Variants in WDPCP observed in about 807,000 individuals in gnomAD.
The protein encoded by WDPCP is WD repeat containing planar cell polarity effector, also known as WD repeat-containing and planar cell polarity effector protein fritz homolog.
A neutral mutation model predicts 93.1 loss-of-function variants in WDPCP; 71 were observed. The observed-to-expected ratio is 0.76, with a 90% CI of 0.63 to 0.93. The LOEUF (loss-of-function observed/expected upper bound fraction) is 0.93, where lower values mean the gene tolerates loss of function less well. WDPCP is among the 40% of genes least tolerant of loss of function. The pLI, the probability that WDPCP is intolerant of heterozygous loss-of-function variation, is 0.00. For missense variants in WDPCP, 844 were observed against 887.4 expected (o/e 0.95, Z 0.62); for synonymous variants, 315 against 315.0 (o/e 1.00, Z 0.00).
chr2:63,809,309 A>G (rs1322849158), intron 2 of WDPCP, among the ~76,000 whole-genome samples: 1 of 136,682 alleles, frequency 7.3e-6, no homozygotes, highest in Admixed American at 7.2e-5. Context: ...CCCCCCGCCC[A>G]GCCAGCCGCC....
At chr2:63,790,482 G>A (rs1292078508) in intron 2 of WDPCP, among the ~76,000 whole-genome samples, 1 of 152,222 alleles carries the variant, frequency 6.6e-6, no homozygotes, top group Non-Finnish European at 1.5e-5. Flanking sequence ...ACAGAGACTT[G>A]TAATCAGAAC....
chr2:63,305,923 G>A (rs1035433863), intron 13 of WDPCP, among the ~76,000 whole-genome samples: 4 of 152,100 alleles, frequency 2.6e-5, no homozygotes, highest in East Asian at 1.9e-4. Flanking sequence ...AGGAGATAGA[G>A]ACACAAATGA....
At chr2:63,348,734 T>G (rs1470029380) in intron 12 of WDPCP, among the ~76,000 whole-genome samples, 1 of 152,032 alleles carries the variant, frequency 6.6e-6, no homozygotes, top group Non-Finnish European at 1.5e-5. Flanking sequence ...TAAATTAAAA[T>G]AGAAAACTCC....
intron 10 of WDPCP, chr2:63,403,825 C>T: frequency 1.8e-6 from 1 of 570,246 alleles, no homozygotes. Context: ...TTTGAAGCAT[C>T]ATGATTGACA....
At chr2:63,212,627 T>G (rs1252943538) in intron 14 of WDPCP, among the ~76,000 whole-genome samples, 1 of 152,130 alleles carries the variant, frequency 6.6e-6, no homozygotes, top group Non-Finnish European at 1.5e-5. Flanking sequence ...ATATTAACCT[T>G]ACATGTAAAT....
At chr2:63,244,139 A>G (rs1174227418) in intron 14 of WDPCP, among the ~76,000 whole-genome samples, 1 of 152,204 alleles carries the variant, frequency 6.6e-6, no homozygotes, top group African/African-American at 2.4e-5. Context: ...TATTTTGGGC[A>G]TTAAGGCAGA....
chr2:63,648,218 C>T (rs1710073875), intron 3 of WDPCP, among the ~76,000 whole-genome samples: 3 of 152,164 alleles, frequency 2.0e-5, no homozygotes, highest in South Asian at 4.2e-4. Flanking sequence ...TACTCTTATC[C>T]CCCTAAGTTT....
intron 1 of WDPCP, among the ~76,000 whole-genome samples, chr2:63,565,081 T>C (rs576930078): frequency 1.3e-5 from 2 of 152,170 alleles, no homozygotes; most frequent in Non-Finnish European, 2.9e-5. Flanking sequence ...TGGCCAAAAC[T>C]GCACTTTTTA....
At chr2:63,358,683 G>T (rs1447841142) in intron 12 of WDPCP, among the ~76,000 whole-genome samples, 2 of 152,098 alleles carry the variant, frequency 1.3e-5, no homozygotes, top group Non-Finnish European at 2.9e-5. Context: ...TCTTGAACTA[G>T]TTGCCTCAAG....
At chr2:63,720,415 T>TCAAAAAAA (rs1167952657) in intron 2 of WDPCP, among the ~76,000 whole-genome samples, 4 of 145,220 alleles carry the variant, frequency 2.8e-5, no homozygotes, top group Non-Finnish European at 3.0e-5. Context: ...AGACTCTACC[T>TCAAAAAAA]TAAAAAAAAA....
chr2:63,771,873 T>A (rs2103948060), intron 2 of WDPCP, among the ~76,000 whole-genome samples: 1 of 152,138 alleles, frequency 6.6e-6, no homozygotes, highest in East Asian at 1.9e-4. Flanking sequence ...AAGGACTTAC[T>A]TTTGATATTT....
At chr2:63,374,178 T>C (rs1691646047) in intron 12 of WDPCP, among the ~76,000 whole-genome samples, 2 of 151,934 alleles carry the variant, frequency 1.3e-5, no homozygotes, top group Non-Finnish European at 2.9e-5. Flanking sequence ...TGATACAACC[T>C]CCCATTCTGC....
intron 1 of WDPCP, among the ~76,000 whole-genome samples, chr2:63,817,898 G>A (rs775896615): frequency 5.9e-5 from 9 of 152,134 alleles, no homozygotes; most frequent in African/African-American, 1.9e-4. Context: ...TGTCTTTACC[G>A]TAGGGCACTT....
chr2:63,232,923 G>A, intron 14 of WDPCP: 1 of 191,222 alleles, frequency 5.2e-6, no homozygotes, highest in Non-Finnish European at 1.1e-5. Context: ...AAACTGAGGA[G>A]GAAGTGGTGG....
intron 10 of WDPCP, among the ~76,000 whole-genome samples, chr2:63,384,175 G>A (rs1246005601): frequency 6.6e-6 from 1 of 151,972 alleles, no homozygotes; most frequent in Non-Finnish European, 1.5e-5. Context: ...AAATAATAAA[G>A]ACAGTAAATA....
chr2:63,185,010 T>C lies in WDPCP; in HGVS notation c.1916-10178A>G, dbSNP rs554255239. 5.9e-5 allele frequency among the ~76,000 whole-genome samples: 9 copies of C among 152,308 alleles called. No individual in the cohort carries two copies. The South Asian group carries it at 1.9e-3, about 32-fold the overall frequency. ...AGTCAGTTATTGACCCTTTCAGCCA[T>C]ATTTTGTAATTCCTTCAGTGAATTT... is the stretch of plus-strand genomic sequence containing the variant. On this transcript the variant is annotated intron_variant, in intron 14 of 17. Coordinates refer to ENST00000272321, the MANE Select transcript of WDPCP (RefSeq NM_015910.7).
At chr2:63,294,744 A>T (rs1285248356) in intron 13 of WDPCP, among the ~76,000 whole-genome samples, 1 of 152,016 alleles carries the variant, frequency 6.6e-6, no homozygotes, top group Non-Finnish European at 1.5e-5. Flanking sequence ...AGAAAAAAAA[A>T]CTCAATAAAA....
intron 1 of WDPCP, among the ~76,000 whole-genome samples, chr2:63,516,035 A>G (rs1289174243): frequency 6.7e-6 from 1 of 149,450 alleles, no homozygotes; most frequent in African/African-American, 2.5e-5. Flanking sequence ...AAAAAAAAAG[A>G]TTTTCTAATC....
chr2:63,524,890 T>C (rs544782337), intron 1 of WDPCP, among the ~76,000 whole-genome samples: 113 of 152,160 alleles, frequency 7.4e-4, no homozygotes, highest in Non-Finnish European at 1.4e-3. Context: ...AATCACACAA[T>C]TTGGTATATA....
Sources: gnomAD v4.1 joint callset for allele counts (sites outside exome capture counted in the v4.1 genomes callset) on GRCh38, gnomAD v4.1.1 for gene constraint, MANE v1.5 for transcripts, NCBI Gene and HGNC (gene_info 2026-07-23, HGNC 2026-07-21) for gene names.